The following GREM2 variants were observed in gnomAD, a reference collection of about 807,000 sequenced individuals.
GREM2 encodes gremlin-2.
A neutral mutation model predicts 14.2 loss-of-function variants in GREM2; 11 were observed. That is an observed-to-expected ratio of 0.78 (90% CI 0.49 to 1.28). GREM2 has a LOEUF of 1.28. Ranked by LOEUF, GREM2 falls within the 50% of genes most tolerant of loss-of-function variation. The pLI is 0.00. For synonymous variants in GREM2, 98 were observed against 97.6 expected, an observed-to-expected ratio of 1.00 and a Z score of -0.02; for missense variants, 210 against 218.5, an observed-to-expected ratio of 0.96 and a Z score of 0.24.
intron 1 of GREM2, among the ~76,000 whole-genome samples, chr1:240,547,532 T>TAGACAGACAGATAG (rs1553275859): frequency 3.0e-4 from 36 of 121,882 alleles, no homozygotes; most frequent in African/African-American, 1.3e-3. Flanking sequence ...TATATATATA[T>TAGACAGACAGATAG]ATAGATAGAT....
intron 1 of GREM2, among the ~76,000 whole-genome samples, chr1:240,506,528 C>T (rs1677679953): frequency 6.6e-6 from 1 of 151,998 alleles, no homozygotes; most frequent in Non-Finnish European, 1.5e-5. Context: ...CAAACATAAT[C>T]AGAAACAATC....
In GREM2 at chr1:240,521,648, T is replaced by C. The variant is rs201114254; in HGVS notation, c.-1-28172A>G. On this transcript the variant is annotated intron_variant, in intron 1 of 1. Transcript: ENST00000318160. ...GAAGCGCAAATGGGGAAATGGCAGGTGAAAATGACATCTGTTAGAATATTT... is the reference window on the plus strand; with the variant it reads ...GAAGCGCAAATGGGGAAATGGCAGGCGAAAATGACATCTGTTAGAATATTT... Among the ~76,000 whole-genome samples the C allele has an allele frequency of 1.0e-3, 157 of 152,138 alleles. 5 individuals carry two copies. In the East Asian group the frequency reaches 0.013, roughly 13 times the overall value.
intron 1 of GREM2, among the ~76,000 whole-genome samples, chr1:240,550,664 G>C (rs1282562735): frequency 6.6e-6 from 1 of 152,188 alleles, no homozygotes; most frequent in African/African-American, 2.4e-5. Flanking sequence ...AGTCAATTTA[G>C]ACTCTGATTT....
At chr1:240,497,351 A>T (rs1276885027) in intron 1 of GREM2, among the ~76,000 whole-genome samples, 1 of 152,126 alleles carries the variant, frequency 6.6e-6, no homozygotes, top group Admixed American at 6.5e-5. Flanking sequence ...GCCCCAAAGC[A>T]TTCTGGGTCA....
chr1:240,557,787 C>T (rs531587452), intron 1 of GREM2, among the ~76,000 whole-genome samples: 5 of 151,630 alleles, frequency 3.3e-5, no homozygotes, highest in African/African-American at 4.8e-5. Flanking sequence ...TGGCTACCAC[C>T]GAGCTGCCTG....
chr1:240,584,342 A>G (rs75547654), intron 1 of GREM2, among the ~76,000 whole-genome samples: 3,087 of 151,894 alleles, frequency 0.02, 99 homozygotes, highest in East Asian at 0.13. Context: ...TAAAAACACA[A>G]AAATTAGCCA....
chr1:240,553,813 T>C (rs1678903080), intron 1 of GREM2, among the ~76,000 whole-genome samples: 1 of 152,200 alleles, frequency 6.6e-6, no homozygotes, highest in Non-Finnish European at 1.5e-5. Context: ...TAAAGTTCCA[T>C]GGAAAATACT....
intron 1 of GREM2, among the ~76,000 whole-genome samples, chr1:240,506,015 C>T (rs1180023530): frequency 6.6e-6 from 1 of 152,008 alleles, no homozygotes. Flanking sequence ...ATACTCTTTA[C>T]ATAATATCTA....
intron 1 of GREM2, among the ~76,000 whole-genome samples, chr1:240,518,055 C>T (rs932984189): frequency 1.1e-4 from 16 of 152,316 alleles, no homozygotes; most frequent in Admixed American, 3.3e-4. Context: ...TCCTACATAG[C>T]GTCAATCAAA....
intron 1 of GREM2, among the ~76,000 whole-genome samples, chr1:240,498,217 T>C (rs558556234): frequency 6.6e-6 from 1 of 152,306 alleles, no homozygotes; most frequent in East Asian, 1.9e-4. Flanking sequence ...CATCTGGCAA[T>C]CATCCTTAGA....
intron 1 of GREM2, among the ~76,000 whole-genome samples, chr1:240,505,844 G>C (rs1168178480): frequency 6.6e-6 from 1 of 151,750 alleles, no homozygotes; most frequent in Non-Finnish European, 1.5e-5. Context: ...TATGAATTAA[G>C]GAGAAAAAAA....
chr1:240,610,361 T>C (rs1470806458), intron 1 of GREM2, among the ~76,000 whole-genome samples: 1 of 152,212 alleles, frequency 6.6e-6, no homozygotes, highest in African/African-American at 2.4e-5. Flanking sequence ...GCCATGTCTA[T>C]ACTTTGACAC....
At chr1:240,507,473 C>T (rs1677703893) in intron 1 of GREM2, among the ~76,000 whole-genome samples, 1 of 152,172 alleles carries the variant, frequency 6.6e-6, no homozygotes, top group Admixed American at 6.5e-5. Context: ...GCTGGGATTA[C>T]AGGCATGTGC....
chr1:240,589,360 G>A (rs141905556), intron 1 of GREM2, among the ~76,000 whole-genome samples: 1,770 of 151,712 alleles, frequency 0.012, 32 homozygotes, highest in African/African-American at 0.04. Context: ...GCTTGAACCC[G>A]GGAGGCAGAG....
intron 1 of GREM2, among the ~76,000 whole-genome samples, chr1:240,555,044 C>T (rs1471396559): frequency 1.3e-5 from 2 of 151,952 alleles, no homozygotes; most frequent in Non-Finnish European, 2.9e-5. Flanking sequence ...ACTCAGGAGG[C>T]TGAGACAAGA....
chr1:240,571,240 C>A (rs1461514097), intron 1 of GREM2, among the ~76,000 whole-genome samples: 2 of 152,298 alleles, frequency 1.3e-5, no homozygotes, highest in East Asian at 3.9e-4. Context: ...TAACACCAGT[C>A]ACTAATAGGA....
At chr1:240,563,148 AGTGTGTATGTGTGTACGTGTGAGT>A (rs1358214746) in intron 1 of GREM2, among the ~76,000 whole-genome samples, 1 of 121,694 alleles carries the variant, frequency 8.2e-6, no homozygotes, top group Non-Finnish European at 1.7e-5. Flanking sequence ...TGTGTGTGTG[AGTGTGTATGTGTGTACGTGTGAGT>A]GTGTGTATGT....
chr1:240,584,167 T>C (rs1679543974), intron 1 of GREM2, among the ~76,000 whole-genome samples: 1 of 152,212 alleles, frequency 6.6e-6, no homozygotes, highest in East Asian at 1.9e-4. Context: ...ACAATAAGCC[T>C]GGGCAACACA....
At chr1:240,546,086 G>A (rs1678710372) in intron 1 of GREM2, among the ~76,000 whole-genome samples, 2 of 152,074 alleles carry the variant, frequency 1.3e-5, no homozygotes, top group African/African-American at 2.4e-5. Flanking sequence ...TGTAATCCCA[G>A]CACTTTGGGA....
Sources: allele counts gnomAD v4.1 joint callset (sites outside exome capture counted in the v4.1 genomes callset), GRCh38; gene constraint gnomAD v4.1.1; transcripts MANE v1.5; gene names NCBI Gene and HGNC (gene_info 2026-07-23, HGNC 2026-07-21).